PTPRK: variants seen among roughly 807,000 people sequenced by gnomAD.
PTPRK encodes the protein protein tyrosine phosphatase receptor type K, also known as receptor-type tyrosine-protein phosphatase kappa.
PTPRK carries 75 observed loss-of-function variants against 178.0 expected under a neutral mutation model. The ratio of observed to expected loss-of-function variants is 0.42; its 90% CI spans 0.35 to 0.51. The LOEUF (loss-of-function observed/expected upper bound fraction) is 0.51, where lower values mean the gene tolerates loss of function less well. Among genes scored for constraint, PTPRK ranks in the 20% least tolerant of loss-of-function variants. The probability of loss-of-function intolerance (pLI) is 0.02; values close to 1 mark genes in which losing one functional copy is unlikely to be tolerated. For missense variants in PTPRK, 1,441 were observed against 1,797.8 expected (o/e 0.80, Z 3.59); for synonymous variants, 637 against 620.6 (o/e 1.03, Z -0.39).
At chr6:128,028,788 A>G (rs1208965117) in intron 13 of PTPRK, among the ~76,000 whole-genome samples, 1 of 152,200 alleles carries the variant, frequency 6.6e-6, no homozygotes, top group Non-Finnish European at 1.5e-5. Context: ...GTTAATATTC[A>G]TATTTTTCAT....
At chr6:128,024,889 T>C (rs1774059649) in intron 13 of PTPRK, among the ~76,000 whole-genome samples, 1 of 152,192 alleles carries the variant, frequency 6.6e-6, no homozygotes, top group South Asian at 2.1e-4. Flanking sequence ...ATTAGATTTT[T>C]CAGGATCATT....
At chr6:128,132,364 T>C (rs939991026) in intron 7 of PTPRK, among the ~76,000 whole-genome samples, 1 of 152,146 alleles carries the variant, frequency 6.6e-6, no homozygotes, top group African/African-American at 2.4e-5. Context: ...TTAGTAGAGA[T>C]GGGGTTTCAC....
intron 3 of PTPRK, among the ~76,000 whole-genome samples, chr6:128,259,447 A>G (rs1330198087): frequency 6.6e-6 from 1 of 152,190 alleles, no homozygotes; most frequent in Non-Finnish European, 1.5e-5. Context: ...CTGAATATCA[A>G]GTTTAATATG....
intron 3 of PTPRK, among the ~76,000 whole-genome samples, chr6:128,272,099 A>G (rs577141738): frequency 3.3e-5 from 5 of 152,126 alleles, no homozygotes; most frequent in African/African-American, 1.2e-4. Flanking sequence ...CAAAAACAAG[A>G]CATGGGGAAA....
chr6:128,109,413 C>T (rs1317050265), intron 7 of PTPRK, among the ~76,000 whole-genome samples: 1 of 152,040 alleles, frequency 6.6e-6, no homozygotes. Context: ...TGTTTTTAAA[C>T]TTAATACTCT....
intron 7 of PTPRK, among the ~76,000 whole-genome samples, chr6:128,100,402 A>G (rs934478591): frequency 1.3e-5 from 2 of 152,000 alleles, no homozygotes; most frequent in Non-Finnish European, 2.9e-5. Flanking sequence ...AAATCATAGC[A>G]AACTCAGCCT....
intron 5 of PTPRK, among the ~76,000 whole-genome samples, chr6:128,235,979 A>G: frequency 6.6e-6 from 1 of 152,246 alleles, no homozygotes; most frequent in South Asian, 2.1e-4. Flanking sequence ...TATTGTTATA[A>G]TTGCTCTATT....
chr6:128,208,866 A>G (rs2128263604), intron 6 of PTPRK, among the ~76,000 whole-genome samples: 1 of 152,240 alleles, frequency 6.6e-6, no homozygotes, highest in African/African-American at 2.4e-5. Context: ...TAGCACCCCA[A>G]TCGAAAGTTT....
rs962052326 is a variant in PTPRK at position 127,992,526 on chromosome 6, T to C, written c.2881+147A>G. ...AAGCTTTACACACACAATAAATTTG[T>C]ACTATACAAATGAGTAAGGAGCAGT... On this transcript the variant is annotated intron_variant, in intron 19 of 29. Coordinates refer to ENST00000368226, the MANE Select transcript of PTPRK (RefSeq NM_002844.4). The C allele has an allele frequency of 2.3e-5, 14 of 596,694 alleles. No homozygotes were observed. In the East Asian group the frequency reaches 4.3e-4, roughly 18 times the overall value. 37.0% of individuals were successfully genotyped at this position (596,694 alleles called of 1,614,324 possible).
chr6:128,439,216 A>G (rs971709131), intron 1 of PTPRK, among the ~76,000 whole-genome samples: 3 of 152,146 alleles, frequency 2.0e-5, no homozygotes, highest in African/African-American at 7.2e-5. Context: ...CCTGCTTCAC[A>G]TATTTTACAA....
chr6:128,335,441 CAAAAA>C (rs10585655), intron 2 of PTPRK, among the ~76,000 whole-genome samples: 2 of 109,794 alleles, frequency 1.8e-5, no homozygotes, highest in Non-Finnish European at 3.9e-5. Flanking sequence ...GGAATGATAA[CAAAAA>C]AAAAAAAAAA....
At chr6:128,211,623 C>A (rs1322081750) in intron 6 of PTPRK, among the ~76,000 whole-genome samples, 1 of 151,894 alleles carries the variant, frequency 6.6e-6, no homozygotes, top group African/African-American at 2.4e-5. Flanking sequence ...TGTTTGTATT[C>A]TTAGTAACAG....
chr6:128,024,254 C>A (rs1773949825), intron 13 of PTPRK, among the ~76,000 whole-genome samples: 2 of 152,146 alleles, frequency 1.3e-5, no homozygotes, highest in South Asian at 2.1e-4. Flanking sequence ...TATCATATCA[C>A]AATGTACTTT....
At chr6:128,202,077 T>TC (rs1211644582) in intron 6 of PTPRK, among the ~76,000 whole-genome samples, 3 of 152,138 alleles carry the variant, frequency 2.0e-5, no homozygotes, top group African/African-American at 7.2e-5. Flanking sequence ...GCAGATGCCA[T>TC]CTGTGGCACT....
intron 10 of PTPRK, among the ~76,000 whole-genome samples, chr6:128,080,000 G>A (rs1409132274): frequency 1.3e-5 from 2 of 150,076 alleles, no homozygotes; most frequent in East Asian, 4.0e-4. Flanking sequence ...CTCAGGTGAT[G>A]TTGGTGATGA....
chr6:128,075,106 T>C (rs1036347979), intron 11 of PTPRK, among the ~76,000 whole-genome samples: 5 of 152,010 alleles, frequency 3.3e-5, no homozygotes, highest in Non-Finnish European at 7.4e-5. Flanking sequence ...TCCCTTCCCA[T>C]GAAGCTTTAC....
chr6:128,355,642 G>A (rs2128339476), intron 2 of PTPRK, among the ~76,000 whole-genome samples: 1 of 152,290 alleles, frequency 6.6e-6, no homozygotes, highest in Non-Finnish European at 1.5e-5. Flanking sequence ...ACCGGGGCCT[G>A]TTGTGGGGTG....
rs1039006359 is a variant in PTPRK at position 128,389,690 on chromosome 6, A to G, written c.223+7876T>C. Among the ~76,000 whole-genome samples the G allele has an allele frequency of 2.0e-5, 3 of 151,920 alleles. 1 individual carries two copies. The South Asian group carries it at 6.2e-4, about 32-fold the overall frequency. ...TTGCTGTGTGTTCCTATCTTAATTCATCTAGGAGGTTGGAAGTTCTCTAGC... is the reference window on the plus strand; with the variant it reads ...TTGCTGTGTGTTCCTATCTTAATTCGTCTAGGAGGTTGGAAGTTCTCTAGC... On this transcript the variant is annotated intron_variant, in intron 2 of 29. Transcript: ENST00000368226.
chr6:128,297,260 C>A (rs1824626697), intron 3 of PTPRK, among the ~76,000 whole-genome samples: 1 of 151,992 alleles, frequency 6.6e-6, no homozygotes, highest in Non-Finnish European at 1.5e-5. Flanking sequence ...ACTTAGACTC[C>A]CACACAATAA....
Sources: gnomAD v4.1 joint callset for allele counts (sites outside exome capture counted in the v4.1 genomes callset) on GRCh38, gnomAD v4.1.1 for gene constraint, MANE v1.5 for transcripts, NCBI Gene and HGNC (gene_info 2026-07-23, HGNC 2026-07-21) for gene names.